Variants in GRIA2 observed in about 807,000 individuals in gnomAD.
GRIA2 encodes the protein glutamate receptor 2.
In GRIA2, 14 loss-of-function variants were observed where a neutral mutation model predicts 97.3. The ratio of observed to expected loss-of-function variants is 0.14; its 90% CI spans 0.10 to 0.23. GRIA2 has a LOEUF of 0.23. GRIA2 is among the 10% of genes least tolerant of loss of function. The probability of loss-of-function intolerance (pLI) is 1.00; values close to 1 mark genes in which losing one functional copy is unlikely to be tolerated. For missense variants in GRIA2, 558 were observed against 1,069.8 expected, an observed-to-expected ratio of 0.52 and a Z score of 6.67; for synonymous variants, 412 against 387.8, an observed-to-expected ratio of 1.06 and a Z score of -0.73.
intron 2 of GRIA2, among the ~76,000 whole-genome samples, chr4:157,235,645 T>A (rs1730210329): frequency 6.6e-6 from 1 of 152,076 alleles, no homozygotes; most frequent in Non-Finnish European, 1.5e-5. Flanking sequence ...CTACTGCTGT[T>A]AACAAACTAA....
chr4:157,295,067 A>G (rs549356966), intron 2 of GRIA2, among the ~76,000 whole-genome samples: 91 of 152,256 alleles, frequency 6.0e-4, no homozygotes, highest in African/African-American at 2.1e-3. Flanking sequence ...ATTATTGCCT[A>G]TTACTGCTGG....
intron 3 of GRIA2, among the ~76,000 whole-genome samples, chr4:157,308,216 G>A (rs866754855): frequency 6.6e-6 from 1 of 152,136 alleles, no homozygotes; most frequent in Non-Finnish European, 1.5e-5. Context: ...TTAATACTGG[G>A]TCAAGATGAG....
intron 2 of GRIA2, among the ~76,000 whole-genome samples, chr4:157,248,752 G>A (rs1475095355): frequency 3.4e-4 from 43 of 125,724 alleles, no homozygotes; most frequent in Non-Finnish European, 4.8e-4. Flanking sequence ...TATATATACC[G>A]ACCATGGCAG....
At chr4:157,234,268 T>C (rs955251880) in intron 2 of GRIA2, among the ~76,000 whole-genome samples, 1 of 152,116 alleles carries the variant, frequency 6.6e-6, no homozygotes, top group Non-Finnish European at 1.5e-5. Context: ...TATACTTAGC[T>C]CCGTGCTTAT....
intron 2 of GRIA2, among the ~76,000 whole-genome samples, chr4:157,252,135 T>C (rs1273604841): frequency 2.0e-5 from 3 of 152,124 alleles, no homozygotes; most frequent in Non-Finnish European, 2.9e-5. Flanking sequence ...CAGTAAAAGT[T>C]GTAGATTTTA....
At chr4:157,248,057 G>A (rs1468005404) in intron 2 of GRIA2, among the ~76,000 whole-genome samples, 5 of 151,446 alleles carry the variant, frequency 3.3e-5, no homozygotes, top group Admixed American at 6.6e-5. Flanking sequence ...ACTCTTTGAC[G>A]TGTATATATA....
At chr4:157,280,606 G>C (rs1195718201) in intron 2 of GRIA2, among the ~76,000 whole-genome samples, 1 of 151,900 alleles carries the variant, frequency 6.6e-6, no homozygotes, top group Non-Finnish European at 1.5e-5. Flanking sequence ...CTGGGAGCTG[G>C]GATGGTTGGG....
chr4:157,363,155 A>T, intron 15 of GRIA2, 108 bp downstream of exon 15: 1 of 1,161,318 alleles, frequency 8.6e-7, no homozygotes, highest in Non-Finnish European at 1.2e-6. Flanking sequence ...TCCTGTATGT[A>T]TTGTTGACGT....
intron 12 of GRIA2, among the ~76,000 whole-genome samples, chr4:157,352,737 A>AC (rs1207463582): frequency 7.2e-4 from 108 of 150,228 alleles, no homozygotes; most frequent in East Asian, 2.0e-3. Context: ...AAAAAAAAAA[A>AC]ACACACACAA....
Position 157,293,246 on chromosome 4 carries a change from T to C in GRIA2, c.230-10306T>C, listed in dbSNP as rs186837914. Among the ~76,000 whole-genome samples the C allele has an allele frequency of 1.1e-3, 161 of 152,298 alleles. 5 individuals carry two copies. The East Asian group carries it at 0.024, about 22-fold the overall frequency. ...TAGCACATGTGCTCCAAGATGTATG[T>C]ATTCACATGTTCACTGCAGCCTTGT... On this transcript the variant is annotated intron_variant, in intron 2 of 15. Coordinates refer to ENST00000264426, the MANE Select transcript of GRIA2 (RefSeq NM_001083619.3).
At chr4:157,263,516 T>C (rs902775497) in intron 2 of GRIA2, among the ~76,000 whole-genome samples, 1 of 152,058 alleles carries the variant, frequency 6.6e-6, no homozygotes. Flanking sequence ...TTCTATTTTA[T>C]TGGAATTAAT....
At chr4:157,279,885 G>A (rs1732516816) in intron 2 of GRIA2, among the ~76,000 whole-genome samples, 2 of 152,134 alleles carry the variant, frequency 1.3e-5, no homozygotes, top group Admixed American at 6.6e-5. Flanking sequence ...AGCACTTTGG[G>A]AGGCCAAGGC....
chr4:157,360,234 C>T (rs1018707032), intron 13 of GRIA2, 91 bp downstream of exon 13: 35 of 1,320,138 alleles, frequency 2.7e-5, no homozygotes, highest in East Asian at 2.3e-5. Context: ...GGTTTGTATA[C>T]GGATATGAGG....
rs977226236 is a variant in GRIA2, at chr4:157,232,759, C to T, written c.229+10952C>T. Among the ~76,000 whole-genome samples, 9 of 151,902 alleles carry T rather than the reference C, an allele frequency of 5.9e-5. No individual in the cohort carries two copies. In the South Asian group the frequency reaches 1.7e-3, roughly 28 times the overall value. On this transcript the variant is annotated intron_variant, in intron 2 of 15. Transcript: ENST00000264426. ...GATGAATACACAAGTTTTTCATCTG[C>T]GAAGATTAAAAAAAATTGATTCGTT...
chr4:157,339,768 A>G (rs1206054453), intron 11 of GRIA2, among the ~76,000 whole-genome samples: 1 of 151,930 alleles, frequency 6.6e-6, no homozygotes, highest in Non-Finnish European at 1.5e-5. Context: ...TCTTAAATAT[A>G]TGATATGTGT....
chr4:157,309,323 A>AGT (rs1351691245), intron 3 of GRIA2, among the ~76,000 whole-genome samples: 1 of 149,856 alleles, frequency 6.7e-6, no homozygotes, highest in Non-Finnish European at 1.5e-5. Context: ...AGAACAAATG[A>AGT]GTTTGAAAGT....
chr4:157,343,281 C>T lies in GRIA2; in HGVS notation c.2043+1819C>T, dbSNP rs184138811. ...TTATCCATTACCTCTTTTAATCTAA[C>T]AATATTTCTGTCTGATAGTCAGGGC... On this transcript the variant is annotated intron_variant, in intron 12 of 15. Transcript: ENST00000264426. Among the ~76,000 whole-genome samples, 88 of 152,000 alleles carry T rather than the reference C, an allele frequency of 5.8e-4. 1 individual carries two copies. In the East Asian group the frequency reaches 0.013, roughly 22 times the overall value.
chr4:157,294,451 A>G (rs1430949761), intron 2 of GRIA2, among the ~76,000 whole-genome samples: 1 of 151,370 alleles, frequency 6.6e-6, no homozygotes, highest in East Asian at 1.9e-4. Flanking sequence ...TGAAGAAGAG[A>G]AAAAAAAAGA....
intron 2 of GRIA2, among the ~76,000 whole-genome samples, chr4:157,279,959 T>TG (rs1732520962): frequency 6.6e-6 from 1 of 152,052 alleles, no homozygotes; most frequent in Non-Finnish European, 1.5e-5. Flanking sequence ...ACCCCGTCTC[T>TG]ACTAAAAATA....
Sources: gnomAD v4.1 joint callset for allele counts (sites outside exome capture counted in the v4.1 genomes callset) on GRCh38, gnomAD v4.1.1 for gene constraint, MANE v1.5 for transcripts, NCBI Gene and HGNC (gene_info 2026-07-23, HGNC 2026-07-21) for gene names.